Variants in RAB38 observed in about 807,000 individuals in gnomAD.
The protein encoded by RAB38 is ras-related protein Rab-38.
Under a neutral mutation model 18.4 loss-of-function variants are expected in RAB38, and 15 were observed. The ratio of observed to expected loss-of-function variants is 0.82; its 90% CI spans 0.55 to 1.26. RAB38 has a LOEUF of 1.26. Among genes scored for constraint, RAB38 ranks in the 50% most tolerant of loss-of-function variants. The pLI is 0.00. For synonymous variants in RAB38, 101 were observed against 104.4 expected (o/e 0.97, Z 0.20); for missense variants, 294 against 267.4 (o/e 1.10, Z -0.69).
At chr11:88,081,188 G>T in the RAB38 span, among the ~76,000 whole-genome samples, 1 of 151,830 alleles carries the variant, frequency 6.6e-6, no homozygotes, top group Admixed American at 6.6e-5. Context: ...ATATATTGTT[G>T]GTTGAAATGA....
chr11:88,037,311 A>T, the RAB38 span, among the ~76,000 whole-genome samples: 2 of 152,072 alleles, frequency 1.3e-5, no homozygotes, highest in South Asian at 4.1e-4. Context: ...TTCATTTTGT[A>T]GATAATTAAA....
chr11:87,899,897 G>A, the RAB38 span, among the ~76,000 whole-genome samples: 1 of 151,558 alleles, frequency 6.6e-6, no homozygotes, highest in East Asian at 2.0e-4. Context: ...TCTTACCCTT[G>A]GAAAATCTTA....
At chr11:87,838,749 G>A in the RAB38 span, among the ~76,000 whole-genome samples, 12 of 152,144 alleles carry the variant, frequency 7.9e-5, no homozygotes, top group Admixed American at 6.5e-5. Context: ...CTACACTGTG[G>A]AAACAACATA....
the RAB38 span, among the ~76,000 whole-genome samples, chr11:88,107,076 A>T: frequency 5.5e-4 from 83 of 152,266 alleles, no homozygotes; most frequent in African/African-American, 2.0e-3. Context: ...AAGGGAAACA[A>T]TAGTTTTATA....
At chr11:87,952,132 C>G in the RAB38 span, among the ~76,000 whole-genome samples, 7 of 152,202 alleles carry the variant, frequency 4.6e-5, no homozygotes, top group South Asian at 2.1e-4. Context: ...TCATTCCTGC[C>G]TGGCACCACA....
the RAB38 span, among the ~76,000 whole-genome samples, chr11:87,850,866 C>T: frequency 6.6e-6 from 1 of 152,258 alleles, no homozygotes; most frequent in Admixed American, 6.6e-5. Flanking sequence ...CTTTAACTCA[C>T]TTACTTAGCA....
intron 1 of RAB38, among the ~76,000 whole-genome samples, chr11:88,154,844 G>A (rs1485251060): frequency 6.6e-6 from 1 of 152,148 alleles, no homozygotes; most frequent in Non-Finnish European, 1.5e-5. Flanking sequence ...CATAGACCAT[G>A]AGGCAAAAAG....
chr11:88,173,952 G>A (rs973465886), intron 1 of RAB38: 2 of 985,388 alleles, frequency 2.0e-6, no homozygotes, highest in African/African-American at 3.5e-5. Flanking sequence ...CCATGATAAA[G>A]AGTTTCCAAT....
chr11:88,156,682 A>T (rs1943130299), intron 1 of RAB38, among the ~76,000 whole-genome samples: 1 of 151,626 alleles, frequency 6.6e-6, no homozygotes, highest in African/African-American at 2.4e-5. Context: ...AGCCTGGGCG[A>T]CAGAGCAAGA....
At chr11:87,963,513 A>C in the RAB38 span, among the ~76,000 whole-genome samples, 1 of 152,200 alleles carries the variant, frequency 6.6e-6, no homozygotes, top group Non-Finnish European at 1.5e-5. Context: ...AACACTCAAA[A>C]GTCTATGCAA....
At chr11:88,127,624 T>G (rs1942715686) in intron 2 of RAB38, among the ~76,000 whole-genome samples, 1 of 152,210 alleles carries the variant, frequency 6.6e-6, no homozygotes, top group African/African-American at 2.4e-5. Flanking sequence ...TTTCTCTAAT[T>G]TTCCTGAGAC....
At chr11:87,938,530 C>A in the RAB38 span, among the ~76,000 whole-genome samples, 1 of 151,156 alleles carries the variant, frequency 6.6e-6, no homozygotes, top group Admixed American at 6.6e-5. Flanking sequence ...GGAGAGGACA[C>A]GGTTCTTTTC....
the RAB38 span, among the ~76,000 whole-genome samples, chr11:88,003,971 A>G: frequency 8.0e-6 from 1 of 125,756 alleles, no homozygotes; most frequent in African/African-American, 3.0e-5. Context: ...CTATATATAA[A>G]GGTATATGCA....
chr11:87,938,403 G>A, the RAB38 span, among the ~76,000 whole-genome samples: 10 of 152,010 alleles, frequency 6.6e-5, no homozygotes, highest in Non-Finnish European at 7.4e-5. Flanking sequence ...TGGGATGAAC[G>A]TCTTAGCTTC....
chr11:88,004,715 T>C, the RAB38 span, among the ~76,000 whole-genome samples: 1 of 151,266 alleles, frequency 6.6e-6, no homozygotes, highest in Non-Finnish European at 1.5e-5. Context: ...ACATATGACA[T>C]GATTATTCAC....
chr11:88,174,638 A>C (rs906329964), intron 1 of RAB38, among the ~76,000 whole-genome samples: 30 of 103,306 alleles, frequency 2.9e-4, no homozygotes, highest in African/African-American at 7.8e-4. Context: ...AAAAAAAAAA[A>C]AAACAAAACA....
At chr11:88,132,409 G>A (rs1196978449) in intron 2 of RAB38, among the ~76,000 whole-genome samples, 1 of 152,092 alleles carries the variant, frequency 6.6e-6, no homozygotes, top group Non-Finnish European at 1.5e-5. Context: ...CTATTTTTAG[G>A]GTCTCTTTCA....
the RAB38 span, among the ~76,000 whole-genome samples, chr11:87,964,990 C>G: frequency 1.3e-5 from 2 of 152,100 alleles, no homozygotes; most frequent in Non-Finnish European, 2.9e-5. Flanking sequence ...GTTTCTCTGC[C>G]TTAGTTAGCA....
the RAB38 span, among the ~76,000 whole-genome samples, chr11:87,805,032 G>A: frequency 2.3e-4 from 35 of 152,242 alleles, no homozygotes; most frequent in South Asian, 3.7e-3. Context: ...TTAAAAGCCT[G>A]TTTTGGAACT....
Sources: allele counts gnomAD v4.1 joint callset (sites outside exome capture counted in the v4.1 genomes callset), GRCh38; gene constraint gnomAD v4.1.1; transcripts MANE v1.5; gene names NCBI Gene and HGNC (gene_info 2026-07-23, HGNC 2026-07-21).